PTPRG: variants seen among roughly 807,000 people sequenced by gnomAD.
The protein encoded by PTPRG is protein tyrosine phosphatase receptor type G.
Under a neutral mutation model 165.3 loss-of-function variants are expected in PTPRG, and 102 were observed. The ratio of observed to expected loss-of-function variants is 0.62; its 90% CI spans 0.53 to 0.73. The LOEUF is 0.73. PTPRG is among the 30% of genes least tolerant of loss of function. The pLI is 0.00. For missense variants in PTPRG, 1,866 were observed against 1,861.4 expected (o/e 1.00, Z -0.05); for synonymous variants, 675 against 669.5 (o/e 1.01, Z -0.13).
At chr3:61,640,666 C>G (rs1248526739) in intron 1 of PTPRG, among the ~76,000 whole-genome samples, 2 of 152,350 alleles carry the variant, frequency 1.3e-5, no homozygotes, top group Non-Finnish European at 2.9e-5. Flanking sequence ...AAGCAGTCTT[C>G]ACCCTTTTCA....
At chr3:61,645,070 T>C (rs1266791700) in intron 1 of PTPRG, among the ~76,000 whole-genome samples, 1 of 152,158 alleles carries the variant, frequency 6.6e-6, no homozygotes, top group Non-Finnish European at 1.5e-5. Context: ...ATTAAAAAAA[T>C]CTCAGTATTT....
intron 26 of PTPRG, among the ~76,000 whole-genome samples, chr3:62,280,786 C>A (rs1028909408): frequency 1.3e-5 from 2 of 151,928 alleles, no homozygotes; most frequent in Non-Finnish European, 2.9e-5. Context: ...TATTAGCAAT[C>A]GCCAAGATAC....
At chr3:61,595,610 T>A (rs1700683115) in intron 1 of PTPRG, among the ~76,000 whole-genome samples, 1 of 152,184 alleles carries the variant, frequency 6.6e-6, no homozygotes, top group Non-Finnish European at 1.5e-5. Context: ...GAAAAGACAT[T>A]ATATTCATAG....
At chr3:61,851,656 G>A (rs1043047028) in intron 2 of PTPRG, among the ~76,000 whole-genome samples, 1 of 152,126 alleles carries the variant, frequency 6.6e-6, no homozygotes, top group Non-Finnish European at 1.5e-5. Flanking sequence ...AACATTTAAA[G>A]CACATTTAAA....
At chr3:61,880,885 C>T (rs943601279) in intron 2 of PTPRG, among the ~76,000 whole-genome samples, 9 of 151,226 alleles carry the variant, frequency 6.0e-5, no homozygotes, top group Non-Finnish European at 8.8e-5. Flanking sequence ...GTCTCTTTAT[C>T]CCAGGAGATT....
At chr3:61,831,756 G>A (rs2036301468) in intron 2 of PTPRG, among the ~76,000 whole-genome samples, 1 of 152,160 alleles carries the variant, frequency 6.6e-6, no homozygotes, top group African/African-American at 2.4e-5. Context: ...TCTGTCTTAT[G>A]GGTAAATGAT....
At chr3:61,953,762 G>A (rs2039957858) in intron 2 of PTPRG, among the ~76,000 whole-genome samples, 1 of 152,174 alleles carries the variant, frequency 6.6e-6, no homozygotes, top group African/African-American at 2.4e-5. Flanking sequence ...TACACTCTGT[G>A]AGGGCCAGGG....
At chr3:61,870,864 TA>T (rs2037551258) in intron 2 of PTPRG, among the ~76,000 whole-genome samples, 1 of 152,152 alleles carries the variant, frequency 6.6e-6, no homozygotes, top group East Asian at 1.9e-4. Context: ...GGTCATTTAC[TA>T]AAAGCTCAAT....
chr3:61,568,685 G>A (rs1367485171), intron 1 of PTPRG, among the ~76,000 whole-genome samples: 6 of 151,990 alleles, frequency 3.9e-5, no homozygotes, highest in African/African-American at 1.5e-4. Context: ...CCAGGCGGAC[G>A]GAACATGAGG....
At chr3:61,677,133 T>C (rs1137749) in intron 1 of PTPRG, among the ~76,000 whole-genome samples, 6,726 of 151,140 alleles carry the variant, frequency 0.045, 409 homozygotes, top group African/African-American at 0.14. Context: ...TAGTCCCAGC[T>C]ACTCGAGAGG....
At chr3:62,052,394 G>A (rs1700494904) in intron 4 of PTPRG, among the ~76,000 whole-genome samples, 1 of 152,142 alleles carries the variant, frequency 6.6e-6, no homozygotes, top group Non-Finnish European at 1.5e-5. Context: ...AAGAAATGCA[G>A]TGACCACTGT....
intron 1 of PTPRG, among the ~76,000 whole-genome samples, chr3:61,722,461 A>G (rs1031745287): frequency 2.0e-5 from 3 of 152,184 alleles, no homozygotes; most frequent in African/African-American, 4.8e-5. Context: ...TTTGGACACT[A>G]AATTGATTTT....
chr3:61,805,654 A>C (rs573750610), intron 2 of PTPRG, among the ~76,000 whole-genome samples: 2 of 152,076 alleles, frequency 1.3e-5, no homozygotes, highest in African/African-American at 2.4e-5. Flanking sequence ...CATGGAGTCT[A>C]AGTTAAAGGG....
chr3:62,167,667 G>T (rs1215963068), intron 7 of PTPRG, among the ~76,000 whole-genome samples: 1 of 152,172 alleles, frequency 6.6e-6, no homozygotes, highest in Non-Finnish European at 1.5e-5. Context: ...TTCCAGCAGG[G>T]CACTGCAGAA....
intron 4 of PTPRG, among the ~76,000 whole-genome samples, chr3:62,076,912 G>T (rs530339919): frequency 6.6e-6 from 1 of 152,274 alleles, no homozygotes; most frequent in South Asian, 2.1e-4. Flanking sequence ...GTCAAAATGT[G>T]TGCCAGCATT....
At chr3:61,928,772 A>C (rs2039287656) in intron 2 of PTPRG, among the ~76,000 whole-genome samples, 1 of 152,132 alleles carries the variant, frequency 6.6e-6, no homozygotes, top group Admixed American at 6.5e-5. Flanking sequence ...ATCTCTTTTC[A>C]GGGTTGATAT....
At chr3:61,755,142 G>T (rs191977118) in intron 2 of PTPRG, among the ~76,000 whole-genome samples, 2 of 152,034 alleles carry the variant, frequency 1.3e-5, no homozygotes, top group Non-Finnish European at 2.9e-5. Context: ...TGAGTGTCTG[G>T]GATTACAGGC....
intron 2 of PTPRG, among the ~76,000 whole-genome samples, chr3:61,836,612 C>G (rs568688206): frequency 6.6e-6 from 1 of 152,196 alleles, no homozygotes; most frequent in African/African-American, 2.4e-5. Context: ...ATAATAATAT[C>G]TATTGCCATC....
chr3:62,081,891 G>A (rs940710277), intron 5 of PTPRG, among the ~76,000 whole-genome samples: 4 of 152,280 alleles, frequency 2.6e-5, no homozygotes, highest in South Asian at 2.1e-4. Context: ...AGAACGGTTT[G>A]TCATCTATTC....
Sources: allele counts gnomAD v4.1 joint callset (sites outside exome capture counted in the v4.1 genomes callset), GRCh38; gene constraint gnomAD v4.1.1; transcripts MANE v1.5; gene names NCBI Gene and HGNC (gene_info 2026-07-23, HGNC 2026-07-21).